The following DPYD variants were observed in gnomAD, a reference collection of about 807,000 sequenced individuals.
DPYD encodes the protein dihydropyrimidine dehydrogenase [NADP(+)].
DPYD carries 109 observed loss-of-function variants against 116.2 expected under a neutral mutation model. The observed-to-expected ratio is 0.94, with a 90% confidence interval of 0.80 to 1.10. The LOEUF is 1.10. Ranked by LOEUF, DPYD falls within the 50% of genes least tolerant of loss-of-function variation. The pLI is 0.00. For synonymous variants in DPYD, 440 were observed against 432.0 expected (o/e 1.02, Z -0.23); for missense variants, 1,302 against 1,254.5 (o/e 1.04, Z -0.57).
chr1:97,096,379 T>G (rs1650249072), intron 21 of DPYD, among the ~76,000 whole-genome samples: 2 of 152,172 alleles, frequency 1.3e-5, no homozygotes, highest in Non-Finnish European at 2.9e-5. Flanking sequence ...AAATAATATC[T>G]TCCTTTAGAA....
intron 14 of DPYD, among the ~76,000 whole-genome samples, chr1:97,408,956 C>A (rs887846399): frequency 6.6e-6 from 1 of 152,122 alleles, no homozygotes; most frequent in African/African-American, 2.4e-5. Context: ...AGACTGAAGG[C>A]TGCACTGTCA....
chr1:97,797,951 T>G (rs1206433961), intron 3 of DPYD: 2 of 152,136 alleles, frequency 1.3e-5, no homozygotes, highest in South Asian at 2.1e-4. Context: ...AAGTCTTTAT[T>G]TGGCATATCA....
intron 20 of DPYD, among the ~76,000 whole-genome samples, chr1:97,170,962 C>T (rs924861245): frequency 5.9e-5 from 9 of 152,054 alleles, no homozygotes; most frequent in African/African-American, 1.4e-4. Context: ...CATGAGCCAC[C>T]GTGCATGGCC....
At chr1:97,317,866 T>C (rs1435035439) in intron 16 of DPYD, among the ~76,000 whole-genome samples, 1 of 151,986 alleles carries the variant, frequency 6.6e-6, no homozygotes, top group East Asian at 1.9e-4. Flanking sequence ...AGAGAAAAAC[T>C]GCAATCCCTT....
At chr1:97,602,247 C>T (rs1655296616) in intron 8 of DPYD, among the ~76,000 whole-genome samples, 1 of 151,844 alleles carries the variant, frequency 6.6e-6, no homozygotes, top group South Asian at 2.1e-4. Context: ...ATAAAATAAT[C>T]AAATAATTTT....
At chr1:97,133,246 T>C (rs898466943) in intron 20 of DPYD, among the ~76,000 whole-genome samples, 2 of 152,258 alleles carry the variant, frequency 1.3e-5, no homozygotes, top group South Asian at 2.1e-4. Flanking sequence ...ATATATTACA[T>C]ACATAAATTT....
intron 20 of DPYD, among the ~76,000 whole-genome samples, chr1:97,110,167 C>T (rs1651487840): frequency 6.6e-6 from 1 of 152,138 alleles, no homozygotes; most frequent in Non-Finnish European, 1.5e-5. Context: ...TAATAAACTA[C>T]ATCCTTGGGA....
At chr1:97,086,376 C>T (rs1351162089) in intron 21 of DPYD, among the ~76,000 whole-genome samples, 1 of 149,998 alleles carries the variant, frequency 6.7e-6, no homozygotes, top group Non-Finnish European at 1.5e-5. Flanking sequence ...TTTTAATAGA[C>T]CAGTCAATGT....
At chr1:97,327,773 A>T (rs1225591106) in intron 16 of DPYD, among the ~76,000 whole-genome samples, 1 of 151,976 alleles carries the variant, frequency 6.6e-6, no homozygotes, top group African/African-American at 2.4e-5. Context: ...TTTATTTCTC[A>T]ATTTTTGGAT....
intron 14 of DPYD, among the ~76,000 whole-genome samples, chr1:97,406,890 AC>A (rs755513940): frequency 6.6e-6 from 1 of 152,136 alleles, no homozygotes; most frequent in African/African-American, 2.4e-5. Context: ...CTATACACAA[AC>A]AAAAAGGTGT....
intron 13 of DPYD, among the ~76,000 whole-genome samples, chr1:97,482,982 C>T (rs980159689): frequency 3.3e-5 from 5 of 151,968 alleles, no homozygotes; most frequent in East Asian, 1.9e-4. Context: ...TTTCTTGTAC[C>T]GCTCTCTCAT....
At chr1:97,185,579 T>C (rs1350399510) in intron 20 of DPYD, among the ~76,000 whole-genome samples, 1 of 152,180 alleles carries the variant, frequency 6.6e-6, no homozygotes, top group Non-Finnish European at 1.5e-5. Flanking sequence ...ACAGCCTAAA[T>C]ACAACTTAGA....
intron 20 of DPYD, among the ~76,000 whole-genome samples, chr1:97,102,723 A>C (rs1489470238): frequency 8.6e-5 from 13 of 151,908 alleles, no homozygotes; most frequent in African/African-American, 3.1e-4. Flanking sequence ...CTAAAGGCTA[A>C]ACAATTTCCA....
chr1:97,679,378 T>C (rs909333337), intron 7 of DPYD, among the ~76,000 whole-genome samples, 196 bp from the exon 8 acceptor site: 1 of 152,162 alleles, frequency 6.6e-6, no homozygotes. Flanking sequence ...ACATGTTCTA[T>C]TAAGGGCTAA....
chr1:97,198,431 A>G (rs1658965224), intron 19 of DPYD, among the ~76,000 whole-genome samples: 1 of 152,258 alleles, frequency 6.6e-6, no homozygotes, highest in South Asian at 2.1e-4. Flanking sequence ...TTAAATACTA[A>G]TAAGACTAAA....
At chr1:97,193,351 C>T in intron 19 of DPYD, 103 bp from the exon 20 acceptor site, 1 of 1,262,646 alleles carries the variant, frequency 7.9e-7, no homozygotes, top group Admixed American at 2.0e-5. Context: ...ATGTGCCAGG[C>T]ACTGTTTGAG....
intron 13 of DPYD, among the ~76,000 whole-genome samples, 177 bp downstream of exon 13, chr1:97,515,549 C>A (rs534297241): frequency 6.6e-6 from 1 of 151,812 alleles, no homozygotes; most frequent in African/African-American, 2.4e-5. Flanking sequence ...TATGCCTGCC[C>A]CTTCTTCCAT....
intron 5 of DPYD, among the ~76,000 whole-genome samples, chr1:97,716,122 T>C (rs1662601150): frequency 6.6e-6 from 1 of 152,084 alleles, no homozygotes; most frequent in Non-Finnish European, 1.5e-5. Flanking sequence ...TTAAATGTTC[T>C]CTAATGTAGT....
At chr1:97,674,796 G>A (rs751727355) in intron 8 of DPYD, among the ~76,000 whole-genome samples, 5 of 152,070 alleles carry the variant, frequency 3.3e-5, no homozygotes, top group Admixed American at 6.6e-5. Context: ...CCTAAACAAC[G>A]AATTCAGATT....
Sources: allele counts gnomAD v4.1 joint callset (sites outside exome capture counted in the v4.1 genomes callset), GRCh38; gene constraint gnomAD v4.1.1; transcripts MANE v1.5; gene names NCBI Gene and HGNC (gene_info 2026-07-23, HGNC 2026-07-21).